ECPAS: variants seen among roughly 807,000 people sequenced by gnomAD.
The protein encoded by ECPAS is proteasome adapter and scaffold protein ECM29.
Under a neutral mutation model 255.1 loss-of-function variants are expected in ECPAS, and 70 were observed. The ratio of observed to expected loss-of-function variants is 0.27; its 90% CI spans 0.23 to 0.33. The LOEUF is 0.33. Ranked by LOEUF, ECPAS falls within the 10% of genes least tolerant of loss-of-function variation. ECPAS has a pLI of 1.00. For synonymous variants in ECPAS, 784 were observed against 775.0 expected, an observed-to-expected ratio of 1.01 and a Z score of -0.19; for missense variants, 1,817 against 2,206.4, an observed-to-expected ratio of 0.82 and a Z score of 3.54.
chr9:111,456,958 G>A (rs1236884137), intron 2 of ECPAS, among the ~76,000 whole-genome samples: 2 of 152,320 alleles, frequency 1.3e-5, no homozygotes, highest in African/African-American at 4.8e-5. Context: ...GCATTTAAAT[G>A]CAGGAGAAGG....
chr9:111,379,057 T>C (rs2098137140), intron 35 of ECPAS, among the ~76,000 whole-genome samples: 2 of 152,220 alleles, frequency 1.3e-5, no homozygotes, highest in African/African-American at 4.8e-5. Context: ...ATTCCATGTA[T>C]TCTCCACCCA....
At chr9:111,451,096 G>C (rs574435238) in intron 3 of ECPAS, among the ~76,000 whole-genome samples, 1 of 152,060 alleles carries the variant, frequency 6.6e-6, no homozygotes, top group African/African-American at 2.4e-5. Context: ...ATTAACTAAA[G>C]AATATTTTTG....
chr9:111,414,241 G>A (rs2098199515), intron 19 of ECPAS, among the ~76,000 whole-genome samples, 188 bp downstream of exon 19: 1 of 152,060 alleles, frequency 6.6e-6, no homozygotes. Flanking sequence ...TTTATCTATT[G>A]TTAGCATTTC....
At chr9:111,386,296 C>A in intron 32 of ECPAS, 81 bp downstream of exon 32, 1 of 919,344 alleles carries the variant, frequency 1.1e-6, no homozygotes. Flanking sequence ...ATTCCTTTTG[C>A]ACAAAGTATA....
chr9:111,461,786 G>A (rs1317483846), intron 2 of ECPAS, among the ~76,000 whole-genome samples: 1 of 152,214 alleles, frequency 6.6e-6, no homozygotes, highest in East Asian at 1.9e-4. Context: ...GTTTAATGGA[G>A]AACTACAGTT....
intron 18 of ECPAS, 135 bp downstream of exon 18, chr9:111,416,133 TAAAC>T (rs2098203141): frequency 1.2e-5 from 7 of 578,292 alleles, no homozygotes; most frequent in Admixed American, 9.0e-5. Flanking sequence ...TTTTTTTAAA[TAAAC>T]AACCCGATGA....
At chr9:111,443,277 G>A (rs1254405316) in intron 4 of ECPAS, among the ~76,000 whole-genome samples, 2 of 152,142 alleles carry the variant, frequency 1.3e-5, no homozygotes, top group African/African-American at 2.4e-5. Flanking sequence ...CCAAGACAGA[G>A]TCTCGCTCTG....
At chr9:111,383,891 C>CA (rs1433593183) in intron 34 of ECPAS, among the ~76,000 whole-genome samples, 1 of 152,140 alleles carries the variant, frequency 6.6e-6, no homozygotes, top group East Asian at 1.9e-4. Context: ...CACTGCATTC[C>CA]AGCCTGGGTG....
chr9:111,474,822 G>A (rs940736728), intron 1 of ECPAS, among the ~76,000 whole-genome samples: 7 of 152,114 alleles, frequency 4.6e-5, no homozygotes, highest in Non-Finnish European at 8.8e-5. Flanking sequence ...ATTTTATGAG[G>A]AAGAAACTGA....
chr9:111,449,986 C>A lies in ECPAS; in HGVS notation c.153+1439G>T, dbSNP rs550811163. 5.3e-5 allele frequency among the ~76,000 whole-genome samples: 8 copies of A among 152,294 alleles called. No homozygotes were observed. The East Asian group carries it at 1.3e-3, about 26-fold the overall frequency. On this transcript the variant is annotated intron_variant, in intron 3 of 49. Transcript: ENST00000684092. The stretch of plus-strand genomic sequence containing the variant: ...CACACCACAGAGGCCTCCCCTTATA[C>A]CCCACACTTAGTCTAAATTATATCC...
At chr9:111,394,072 G>T in intron 26 of ECPAS, 88 bp downstream of exon 26, 3 of 1,246,268 alleles carry the variant, frequency 2.4e-6, no homozygotes, top group East Asian at 2.6e-5. Context: ...ACCTACTATT[G>T]GTTAATGACC....
chr9:111,408,342 A>G (rs889154643), intron 24 of ECPAS, among the ~76,000 whole-genome samples: 8 of 152,188 alleles, frequency 5.3e-5, no homozygotes, highest in African/African-American at 1.9e-4. Flanking sequence ...CCCACACTGC[A>G]CCGCACTTTG....
chr9:111,388,574 A>G (rs576631525), intron 31 of ECPAS, among the ~76,000 whole-genome samples: 2 of 152,036 alleles, frequency 1.3e-5, no homozygotes, highest in Non-Finnish European at 2.9e-5. Flanking sequence ...TAAAGCTACT[A>G]AAGGATTTTA....
At chr9:111,407,433 A>AAAAC (rs2098186612) in intron 24 of ECPAS, among the ~76,000 whole-genome samples, 1 of 146,604 alleles carries the variant, frequency 6.8e-6, no homozygotes, top group African/African-American at 2.5e-5. Context: ...AAAAAAAAAA[A>AAAAC]AAAAACCTAG....
chr9:111,413,898 T>G lies in ECPAS; in HGVS notation c.2076A>C (p.Ile692=). 6.4e-7 allele frequency: 1 copy of G among 1,560,690 alleles called. No individual in the cohort carries two copies. Among genetic ancestry groups the G allele is most frequent in the Non-Finnish European group, 8.7e-7 (1 of 1,147,386 alleles). ...AAAAGGTACATGCAGAACATACCTT[T>G]ATCCATTCTGTTTTGTCTACAAATT... ...ATKFVDKTEW[I]KSLMNNSKEE... The change falls in exon 20 of 50, where the codon ATA becomes ATC. Residue 692 remains isoleucine (I), a synonymous_variant. Coordinates refer to ENST00000684092, the MANE Select transcript of ECPAS (RefSeq NM_001364929.1).
intron 8 of ECPAS, among the ~76,000 whole-genome samples, chr9:111,432,065 C>T (rs2098230860): frequency 2.0e-5 from 3 of 152,166 alleles, no homozygotes; most frequent in Non-Finnish European, 2.9e-5. Context: ...AAGATACATA[C>T]AGTAATTTAC....
rs148666478 is a variant in ECPAS at position 111,460,681 on chromosome 9, C to G, written c.23-9126G>C. On this transcript the variant is annotated intron_variant, in intron 2 of 49. Transcript: ENST00000684092. ...CATTAGAAAACAAAATTTGAAAACA[C>G]CTATTACAATGACATCAAAACACAT... Among the ~76,000 whole-genome samples the G allele has an allele frequency of 5.9e-5, 9 of 152,136 alleles. No homozygotes were observed. The East Asian group carries it at 1.7e-3, about 29-fold the overall frequency.
intron 24 of ECPAS, among the ~76,000 whole-genome samples, chr9:111,399,312 T>C (rs1453510226): frequency 6.6e-6 from 1 of 152,182 alleles, no homozygotes; most frequent in Non-Finnish European, 1.5e-5. Context: ...GACATCACAG[T>C]ACCTGGCTTC....
intron 2 of ECPAS, among the ~76,000 whole-genome samples, chr9:111,462,523 T>G (rs2098274361): frequency 6.6e-6 from 1 of 152,084 alleles, no homozygotes; most frequent in African/African-American, 2.4e-5. Flanking sequence ...GTTAATTATG[T>G]TGCATACAAG....
Sources: gnomAD v4.1 joint callset for allele counts (sites outside exome capture counted in the v4.1 genomes callset) on GRCh38, gnomAD v4.1.1 for gene constraint, MANE v1.5 for transcripts, NCBI Gene and HGNC (gene_info 2026-07-23, HGNC 2026-07-21) for gene names.